Variants in HDAC5 observed in about 807,000 individuals in gnomAD.
HDAC5 encodes histone deacetylase 5.
In HDAC5, 25 loss-of-function variants were observed where a neutral mutation model predicts 133.3. The ratio of observed to expected loss-of-function variants is 0.19; its 90% CI spans 0.14 to 0.26. The LOEUF (loss-of-function observed/expected upper bound fraction) is 0.26, where lower values mean the gene tolerates loss of function less well. HDAC5 is among the 10% of genes least tolerant of loss of function. The pLI, the probability that HDAC5 is intolerant of heterozygous loss-of-function variation, is 1.00. For missense variants in HDAC5, 1,041 were observed against 1,460.5 expected, an observed-to-expected ratio of 0.71 and a Z score of 4.68; for synonymous variants, 589 against 610.8, an observed-to-expected ratio of 0.96 and a Z score of 0.53.
intron 3 of HDAC5, among the ~76,000 whole-genome samples, chr17:44,097,662 C>T (rs117512475): frequency 0.029 from 4,344 of 152,366 alleles, 116 homozygotes; most frequent in East Asian, 0.093. Flanking sequence ...GATCACTCAG[C>T]CAAGCAATGG....
At chr17:44,113,987 C>G (rs1478134599) in intron 2 of HDAC5, among the ~76,000 whole-genome samples, 1 of 148,554 alleles carries the variant, frequency 6.7e-6, no homozygotes, top group Non-Finnish European at 1.5e-5. Context: ...TGGAGCCCAT[C>G]AGCATGGCCT....
At position 44,087,673 on chromosome 17, in the gene HDAC5, C is replaced by A; in HGVS notation, c.1623G>T (p.Leu541=). Residue 541 remains leucine (L), a synonymous_variant, in exon 13 of 27, where the codon CTG becomes CTT. Coordinates refer to ENST00000682912, the MANE Select transcript of HDAC5 (RefSeq NM_005474.5). ...CAGGGTGGGTGGTGGGCTGCCTGGGCAGCTCCCCTGTCTTGGTGAGGATCT... is the reference window on the plus strand; with the variant it reads ...CAGGGTGGGTGGTGGGCTGCCTGGGAAGCTCCCCTGTCTTGGTGAGGATCT... The part of the protein sequence containing the change: ...LGKILTKTGE[L]PRQPTTHPEE... 1.9e-6 allele frequency: 3 copies of A among 1,603,692 alleles called. No individual in the cohort carries two copies. The highest frequency in any genetic ancestry group is 1.7e-6 in the Non-Finnish European group (2 of 1,174,482).
intron 3 of HDAC5, among the ~76,000 whole-genome samples, chr17:44,095,426 T>C (rs896937769): frequency 2.1e-4 from 32 of 152,030 alleles, no homozygotes; most frequent in Admixed American, 2.0e-3. Context: ...GAGAGGCTGG[T>C]GGAGACCTTC....
At chr17:44,088,262 C>T in intron 12 of HDAC5, 125 bp downstream of exon 12, 3 of 1,420,954 alleles carry the variant, frequency 2.1e-6, no homozygotes, top group Non-Finnish European at 2.8e-6. Flanking sequence ...ATCTGCCCAC[C>T]TCGGCCTCCC....
chr17:44,101,771 C>T (rs1360494900), intron 3 of HDAC5, among the ~76,000 whole-genome samples: 2 of 152,156 alleles, frequency 1.3e-5, no homozygotes, highest in Non-Finnish European at 2.9e-5. Context: ...GGCAGGTTCC[C>T]TCTGAACACA....
rs750479604 is a variant in HDAC5 at position 44,087,402 on chromosome 17, C to T, written c.1884+10G>A. ...GGTGACCAAGGACTGGGACCAGGGA[C>T]GGGGCTCACTTTTTTGTATCCAGCA... On this transcript the variant is annotated intron_variant, in intron 13 of 26. Coordinates refer to ENST00000682912, the MANE Select transcript of HDAC5 (RefSeq NM_005474.5). The T allele has an allele frequency of 8.1e-6, 7 of 860,724 alleles. No individual in the cohort carries two copies. The highest frequency in any genetic ancestry group is 1.7e-5 in the Admixed American group (1 of 58,126). 53.3% of individuals were successfully genotyped at this position (860,724 alleles called of 1,614,324 possible).
At chr17:44,083,278 A>T (rs971420836) in intron 18 of HDAC5, among the ~76,000 whole-genome samples, 1 of 152,126 alleles carries the variant, frequency 6.6e-6, no homozygotes. Context: ...GCCTCAACGG[A>T]CCATTTTGAA....
chr17:44,091,170 G>A (rs2050927127), intron 11 of HDAC5, 100 bp downstream of exon 11: 2 of 890,378 alleles, frequency 2.2e-6, no homozygotes, highest in Non-Finnish European at 3.6e-6. Context: ...CACTGATGCT[G>A]TTGATTCTGC....
intron 3 of HDAC5, among the ~76,000 whole-genome samples, chr17:44,109,928 G>A (rs921124611): frequency 6.6e-6 from 1 of 152,256 alleles, no homozygotes. Flanking sequence ...AAGGCTTGAT[G>A]CTGCCAACAG....
chr17:44,117,400 C>G lies in HDAC5; in HGVS notation c.22+94G>C, dbSNP rs1254033350. 7.5e-7 allele frequency: 1 copy of G among 1,335,892 alleles called. No individual in the cohort carries two copies. The highest frequency in any genetic ancestry group is 1.7e-5 in the Admixed American group (1 of 59,614). 82.8% of individuals were successfully genotyped at this position (1,335,892 alleles called of 1,614,324 possible). On this transcript the variant is annotated intron_variant, in intron 2 of 26. Coordinates refer to ENST00000682912, the MANE Select transcript of HDAC5 (RefSeq NM_005474.5). The surrounding 1 kb of genome is among the most constrained non-coding windows in gnomAD (Gnocchi z 4.2). ...CCCCCTCATTCCCTTATAGCTCAGACAGTAAAGGTCAGCTGGCCTGGAAGG... is the reference window on the plus strand; with the variant it reads ...CCCCCTCATTCCCTTATAGCTCAGAGAGTAAAGGTCAGCTGGCCTGGAAGG...
At chr17:44,109,606 A>C (rs1336311140) in intron 3 of HDAC5, among the ~76,000 whole-genome samples, 1 of 152,242 alleles carries the variant, frequency 6.6e-6, no homozygotes, top group East Asian at 1.9e-4. Flanking sequence ...CATGTTCCAA[A>C]GATTTTTTGA....
chr17:44,081,385 G>A (rs1357511482), intron 20 of HDAC5, among the ~76,000 whole-genome samples: 1 of 151,678 alleles, frequency 6.6e-6, no homozygotes, highest in Non-Finnish European at 1.5e-5. Context: ...GAGTAGCTGG[G>A]ATTACAGGCG....
At chr17:44,092,898 T>G in intron 6 of HDAC5, 92 bp from the exon 7 acceptor site, 1 of 645,974 alleles carries the variant, frequency 1.5e-6, no homozygotes. Flanking sequence ...TTATGAAAAA[T>G]CGTTTGTATA....
intron 3 of HDAC5, among the ~76,000 whole-genome samples, chr17:44,095,989 G>A (rs2051250398): frequency 1.3e-5 from 2 of 152,058 alleles, no homozygotes; most frequent in Non-Finnish European, 1.5e-5. Context: ...GTTCCAATGG[G>A]CTTATGGGAG....
At chr17:44,121,993 G>T (rs2053035291) in intron 1 of HDAC5, among the ~76,000 whole-genome samples, 2 of 152,104 alleles carry the variant, frequency 1.3e-5, no homozygotes, top group Admixed American at 1.3e-4. Context: ...CCAGATCCAA[G>T]TTCAAGTGAA....
chr17:44,082,918 A>C, intron 18 of HDAC5, 98 bp from the exon 19 acceptor site: 2 of 1,033,792 alleles, frequency 1.9e-6, no homozygotes, highest in Non-Finnish European at 2.9e-6. Context: ...AGGGAAGTGA[A>C]CACAAACCAG....
intron 18 of HDAC5, among the ~76,000 whole-genome samples, chr17:44,083,241 G>C (rs2050482337): frequency 6.6e-6 from 1 of 152,184 alleles, no homozygotes; most frequent in South Asian, 2.1e-4. Flanking sequence ...AAAGTGTTGA[G>C]ATTACAGGTA....
At chr17:44,094,366 G>A (rs1477499815) in intron 3 of HDAC5, among the ~76,000 whole-genome samples, 3 of 151,298 alleles carry the variant, frequency 2.0e-5, no homozygotes, top group Non-Finnish European at 2.9e-5. Flanking sequence ...GGCCGGGCGC[G>A]GTGGCTCTTG....
chr17:44,108,785 A>C (rs902601306), intron 3 of HDAC5, among the ~76,000 whole-genome samples: 5 of 150,188 alleles, frequency 3.3e-5, no homozygotes, highest in Admixed American at 6.6e-5. Context: ...AAAAAAAAAC[A>C]AGGCTGCCGA....
Sources: allele counts gnomAD v4.1 joint callset (sites outside exome capture counted in the v4.1 genomes callset), GRCh38; gene constraint gnomAD v4.1.1; non-coding constraint Gnocchi (gnomAD v3.1); transcripts MANE v1.5; gene names NCBI Gene and HGNC (gene_info 2026-07-23, HGNC 2026-07-21).